MFSD11: variants seen among roughly 807,000 people sequenced by gnomAD.
MFSD11 encodes UNC93-like protein MFSD11.
MFSD11 carries 36 observed loss-of-function variants against 53.5 expected under a neutral mutation model. The ratio of observed to expected loss-of-function variants is 0.67; its 90% CI spans 0.52 to 0.89. The LOEUF (loss-of-function observed/expected upper bound fraction) is 0.89. MFSD11 is among the 40% of genes least tolerant of loss of function. The probability of loss-of-function intolerance (pLI) is 0.00; values close to 1 mark genes in which losing one functional copy is unlikely to be tolerated. For synonymous variants in MFSD11, 186 were observed against 184.9 expected (o/e 1.01, Z -0.05); for missense variants, 530 against 543.9 (o/e 0.97, Z 0.25).
chr17:76,803,782 A>G, the MFSD11 span, among the ~76,000 whole-genome samples: 1 of 152,190 alleles, frequency 6.6e-6, no homozygotes, highest in Non-Finnish European at 1.5e-5. Context: ...GATTTGAGTA[A>G]TAATAAAACT....
intron 8 of MFSD11, among the ~76,000 whole-genome samples, chr17:76,765,551 C>T (rs531952332): frequency 1.6e-4 from 24 of 150,424 alleles, no homozygotes; most frequent in Admixed American, 5.3e-4. Flanking sequence ...CAGCCTCAAC[C>T]TCCCAGGCTC....
chr17:76,789,504 G>A, the MFSD11 span, among the ~76,000 whole-genome samples: 1 of 150,102 alleles, frequency 6.7e-6, no homozygotes, highest in Non-Finnish European at 1.5e-5. Context: ...TGTTTGAACC[G>A]ACTCGCCTAG....
rs1364402991 is a variant in MFSD11, at chr17:76,742,219, A to T, written c.383A>T (p.Asp128Val). 2 of 1,614,092 alleles carry T rather than the reference A, an allele frequency of 1.2e-6. No individual in the cohort carries two copies. The highest frequency in any genetic ancestry group is 1.7e-6 in the Non-Finnish European group (2 of 1,180,036). Residue 128 changes from aspartate (D) to valine (V), a missense_variant, in exon 5 of 13, where the codon GAT becomes GTT. By Grantham distance (152) the Asp-to-Val change is radical. Transcript: ENST00000685175. ...GGAAACTGCCTGACAATCAATTCGG[A>T]TGAGCACAGCATTGGGAGAAACAGT... ...AQGNCLTINS[D>V]EHSIGRNSGI...
chr17:76,778,769 T>G lies in MFSD11; in HGVS notation c.*417T>G. The G allele has an allele frequency of 6.1e-6, 1 of 164,264 alleles. No individual in the cohort carries two copies. 10.2% of individuals were successfully genotyped at this position (164,264 alleles called of 1,614,324 possible). On this transcript the variant is annotated 3_prime_UTR_variant, in exon 13 of 13. Transcript: ENST00000685175. ...ATGTAATAATGGGAAGCATATGTCA[T>G]TCCCCATATGTGTTGGAGAATGACA... is the stretch of plus-strand genomic sequence containing the variant.
At chr17:76,797,688 C>T in the MFSD11 span, among the ~76,000 whole-genome samples, 1 of 152,002 alleles carries the variant, frequency 6.6e-6, no homozygotes, top group Non-Finnish European at 1.5e-5. Context: ...CAGGTCTCAG[C>T]CCCATTTTAC....
chr17:76,761,219 T>C (rs1161168278), intron 8 of MFSD11, among the ~76,000 whole-genome samples: 1 of 152,100 alleles, frequency 6.6e-6, no homozygotes, highest in Non-Finnish European at 1.5e-5. Context: ...GAAGACTACA[T>C]TGCTGATATA....
chr17:76,792,262 G>A, the MFSD11 span, among the ~76,000 whole-genome samples: 4 of 150,840 alleles, frequency 2.7e-5, no homozygotes, highest in African/African-American at 9.9e-5. Context: ...GGGATTACAG[G>A]TCTGCATCAC....
downstream of MFSD11, among the ~76,000 whole-genome samples, chr17:76,784,381 A>G (rs2082241666): frequency 6.6e-6 from 1 of 152,012 alleles, no homozygotes; most frequent in African/African-American, 2.4e-5. Context: ...TAAAAGTACA[A>G]AAATTAGCTG....
intron 10 of MFSD11, 89 bp downstream of exon 10, chr17:76,769,960 GAATT>G: frequency 8.3e-7 from 1 of 1,206,610 alleles, no homozygotes; most frequent in African/African-American, 1.6e-5. Flanking sequence ...CTTTGTCCTT[GAATT>G]TCTGTTTTTT....
chr17:76,758,894 A>G (rs997844168), intron 8 of MFSD11, among the ~76,000 whole-genome samples: 2 of 152,050 alleles, frequency 1.3e-5, no homozygotes, highest in African/African-American at 4.8e-5. Flanking sequence ...CTCCCTCAAT[A>G]CTTAACTAAG....
intron 10 of MFSD11, among the ~76,000 whole-genome samples, chr17:76,770,640 G>T (rs780381276): frequency 3.3e-5 from 5 of 152,108 alleles, no homozygotes; most frequent in South Asian, 2.1e-4. Flanking sequence ...TCTGACTTGG[G>T]TACAAATTTG....
At chr17:76,797,968 C>T in the MFSD11 span, among the ~76,000 whole-genome samples, 2 of 151,946 alleles carry the variant, frequency 1.3e-5, no homozygotes, top group Non-Finnish European at 2.9e-5. Context: ...ACTGCAGCCT[C>T]AAACTCCTGG....
intron 12 of MFSD11, among the ~76,000 whole-genome samples, chr17:76,777,296 C>T (rs1327376053): frequency 2.5e-4 from 38 of 151,378 alleles, no homozygotes; most frequent in Admixed American, 2.5e-3. Flanking sequence ...AAGACAGTCT[C>T]ACTCTGTAGT....
At chr17:76,800,470 G>T in the MFSD11 span, among the ~76,000 whole-genome samples, 5 of 152,206 alleles carry the variant, frequency 3.3e-5, no homozygotes, top group South Asian at 1.0e-3. Flanking sequence ...CTTCTCCTTT[G>T]TGCTGTAGTC....
At chr17:76,743,907 T>C (rs1008702667) in intron 6 of MFSD11, among the ~76,000 whole-genome samples, 5 of 152,146 alleles carry the variant, frequency 3.3e-5, no homozygotes, top group African/African-American at 1.2e-4. Flanking sequence ...GAGCCATCCC[T>C]CCCAGCCTGG....
the MFSD11 span, among the ~76,000 whole-genome samples, chr17:76,794,704 TTG>T: frequency 6.9e-3 from 601 of 87,440 alleles, 95 homozygotes; most frequent in African/African-American, 0.024. Context: ...TTTTTTTTTT[TTG>T]TTTTGAGATG....
intron 7 of MFSD11, chr17:76,745,533 T>G (rs1286528256): frequency 1.3e-5 from 2 of 152,244 alleles, no homozygotes; most frequent in African/African-American, 4.8e-5. Flanking sequence ...ACTTCAAACA[T>G]TTCATTCTTA....
the MFSD11 span, among the ~76,000 whole-genome samples, chr17:76,794,716 G>GGA: frequency 0.051 from 6,287 of 122,440 alleles, 1,020 homozygotes; most frequent in African/African-American, 0.2. Flanking sequence ...GTTTTGAGAT[G>GGA]GAGTGTCACT....
intron 10 of MFSD11, chr17:76,773,381 C>T (rs1358709357): frequency 6.6e-6 from 1 of 152,206 alleles, no homozygotes; most frequent in African/African-American, 2.4e-5. Context: ...TGAATCCTTG[C>T]CAGCACTTGG....
Sources: gnomAD v4.1 joint callset for allele counts (sites outside exome capture counted in the v4.1 genomes callset) on GRCh38, gnomAD v4.1.1 for gene constraint, MANE v1.5 for transcripts, NCBI Gene and HGNC (gene_info 2026-07-23, HGNC 2026-07-21) for gene names.